NAT1: variants seen among roughly 807,000 people sequenced by gnomAD.
NAT1 encodes N-acetyltransferase 1, also known as arylamine N-acetyltransferase 1.
For missense variants in NAT1, 400 were observed against 339.2 expected (o/e 1.18, Z -1.41); for synonymous variants, 144 against 122.6 (o/e 1.17, Z -1.16).
At chr8:18,181,207 T>C (rs867755958) in intron 2 of NAT1, among the ~76,000 whole-genome samples, 2 of 152,134 alleles carry the variant, frequency 1.3e-5, no homozygotes, top group African/African-American at 4.8e-5. Flanking sequence ...CTTGTGGAGA[T>C]TTTTCATTTC....
At chr8:18,190,944 G>A (rs1209072791) in intron 2 of NAT1, among the ~76,000 whole-genome samples, 1 of 151,974 alleles carries the variant, frequency 6.6e-6, no homozygotes, top group African/African-American at 2.4e-5. Flanking sequence ...GCACATGCCT[G>A]TAATCCCAGC....
chr8:18,208,682 T>C (rs916030417), upstream of NAT1, among the ~76,000 whole-genome samples: 4 of 152,168 alleles, frequency 2.6e-5, no homozygotes, highest in African/African-American at 9.7e-5. Flanking sequence ...GTAAAAGGAA[T>C]GTTAGTGTGG....
intron 2 of NAT1, among the ~76,000 whole-genome samples, chr8:18,204,601 A>G (rs1157783822): frequency 6.6e-6 from 1 of 152,208 alleles, no homozygotes; most frequent in Non-Finnish European, 1.5e-5. Context: ...TATACAAAAA[A>G]TTGAGGAAAC....
chr8:18,221,789 T>G, intron 2 of NAT1: 1 of 370,554 alleles, frequency 2.7e-6, no homozygotes, highest in Non-Finnish European at 4.8e-6. Context: ...TGTTTATCAT[T>G]TGACTCATCA....
At chr8:18,190,056 C>CT (rs1246429581) in intron 2 of NAT1, among the ~76,000 whole-genome samples, 2 of 152,194 alleles carry the variant, frequency 1.3e-5, no homozygotes, top group African/African-American at 2.4e-5. Context: ...TCCCAAAGTG[C>CT]TGGGATTACA....
chr8:18,223,479 T>G lies in NAT1; in HGVS notation c.*559T>G, dbSNP rs1305387404. The stretch of plus-strand genomic sequence containing the variant: ...TGAGCTTTTCTTGTGTAGATCTGAG[T>G]TGAAATCCTGTGGACACTGGGCGAA... On this transcript the variant is annotated 3_prime_UTR_variant, in exon 3 of 3. Coordinates refer to ENST00000307719, the MANE Select transcript of NAT1 (RefSeq NM_000662.8). The G allele has an allele frequency of 6.4e-6, 1 of 157,436 alleles. No individual in the cohort carries two copies. The highest frequency in any genetic ancestry group is 1.6e-5 in the Non-Finnish European group (1 of 63,988). 9.8% of individuals were successfully genotyped at this position (157,436 alleles called of 1,614,324 possible).
At chr8:18,179,225 A>T (rs1242881831) in intron 2 of NAT1, among the ~76,000 whole-genome samples, 1 of 152,140 alleles carries the variant, frequency 6.6e-6, no homozygotes, top group Non-Finnish European at 1.5e-5. Flanking sequence ...CGTTTGGCAC[A>T]TCCAGTTCCA....
chr8:18,186,486 C>T lies in NAT1; in HGVS notation n.92+15747C>T, dbSNP rs146082730. On this transcript the variant is annotated intron_variant and non_coding_transcript_variant, in intron 2 of 4. Transcript: ENST00000517441. ...TCCTGTTTTCTTGTGTTTAATATCG[C>T]TACACATATGTAAGTAGCATATAGT... Among the ~76,000 whole-genome samples the T allele has an allele frequency of 3.1e-3, 473 of 152,072 alleles. 1 individual carries two copies. The highest frequency in any genetic ancestry group is 4.6e-3 in the Non-Finnish European group (314 of 67,992).
intron 2 of NAT1, among the ~76,000 whole-genome samples, chr8:18,186,350 T>C (rs573360955): frequency 7.9e-5 from 12 of 152,310 alleles, no homozygotes; most frequent in Admixed American, 5.9e-4. Context: ...CTCCTCTTAA[T>C]TCTCATAATG....
At chr8:18,174,663 GTAA>G (rs1802220492) in intron 2 of NAT1, among the ~76,000 whole-genome samples, 1 of 152,010 alleles carries the variant, frequency 6.6e-6, no homozygotes, top group South Asian at 2.1e-4. Flanking sequence ...ATTTTTCCCT[GTAA>G]TAATAATATT....
At chr8:18,197,687 T>C (rs907726582) in intron 2 of NAT1, among the ~76,000 whole-genome samples, 3 of 152,194 alleles carry the variant, frequency 2.0e-5, no homozygotes, top group Non-Finnish European at 4.4e-5. Context: ...CTCATTGTTC[T>C]TGCTGTCAGA....
chr8:18,217,594 A>G (rs146642504), intron 1 of NAT1, among the ~76,000 whole-genome samples: 1 of 152,376 alleles, frequency 6.6e-6, no homozygotes, highest in East Asian at 1.9e-4. Flanking sequence ...ATATATTGCC[A>G]TTCTTTCCAA....
At chr8:18,216,909 T>C in intron 1 of NAT1, 1 of 1,551,172 alleles carries the variant, frequency 6.4e-7, no homozygotes, top group Non-Finnish European at 8.7e-7. Flanking sequence ...GTTATTACTC[T>C]TACACAAGGA....
chr8:18,187,489 G>A (rs1414006097), intron 2 of NAT1, among the ~76,000 whole-genome samples: 1 of 152,130 alleles, frequency 6.6e-6, no homozygotes, highest in Non-Finnish European at 1.5e-5. Flanking sequence ...AAATGTGTAT[G>A]TGGTACATAT....
intron 1 of NAT1, among the ~76,000 whole-genome samples, chr8:18,215,994 G>T (rs186648205): frequency 6.6e-6 from 1 of 152,160 alleles, no homozygotes; most frequent in Non-Finnish European, 1.5e-5. Context: ...ATATCGAGAA[G>T]CACCGTTTTC....
At chr8:18,215,151 C>T (rs575798377) in intron 1 of NAT1, among the ~76,000 whole-genome samples, 8 of 152,080 alleles carry the variant, frequency 5.3e-5, no homozygotes, top group South Asian at 4.2e-4. Context: ...TGTTCTTTTT[C>T]GTGGCTGCAT....
At chr8:18,220,605 C>T (rs914316102) in intron 2 of NAT1, among the ~76,000 whole-genome samples, 8 of 152,034 alleles carry the variant, frequency 5.3e-5, no homozygotes, top group Admixed American at 1.3e-4. Context: ...AGATAGCTTT[C>T]GGCTTCATTC....
At chr8:18,208,477 A>C (rs1385087909), upstream of NAT1, among the ~76,000 whole-genome samples, 3 of 152,236 alleles carry the variant, frequency 2.0e-5, no homozygotes, top group Non-Finnish European at 4.4e-5. Context: ...TTACACCAGT[A>C]ATGATCTATC....
rs555729928 is a variant in NAT1 at position 18,210,822 on chromosome 8, T to C, written c.-86+642T>C. On this transcript the variant is annotated intron_variant, in intron 1 of 2. Transcript: ENST00000307719. ...CAGAGCCTTGCCCCATTGCCCAGGC[T>C]GGAGTGCAGTGGCGTGATCTCAGCT... Among the ~76,000 whole-genome samples, 17 of 152,318 alleles carry C rather than the reference T, an allele frequency of 1.1e-4. No individual in the cohort carries two copies. The East Asian group carries it at 2.9e-3, about 26-fold the overall frequency.
Sources: allele counts gnomAD v4.1 joint callset (sites outside exome capture counted in the v4.1 genomes callset), GRCh38; gene constraint gnomAD v4.1.1; transcripts MANE v1.5; gene names NCBI Gene and HGNC (gene_info 2026-07-23, HGNC 2026-07-21).